Variants in PPFIA2 observed in about 807,000 individuals in gnomAD.
The protein encoded by PPFIA2 is liprin-alpha-2.
In PPFIA2, 46 loss-of-function variants were observed where a neutral mutation model predicts 175.5. That is an observed-to-expected ratio of 0.26 (90% CI 0.21 to 0.34). The LOEUF is 0.34. Ranked by LOEUF, PPFIA2 falls within the 10% of genes least tolerant of loss-of-function variation. The pLI is 1.00. For missense variants in PPFIA2, 1,179 were observed against 1,506.1 expected, an observed-to-expected ratio of 0.78 and a Z score of 3.60; for synonymous variants, 568 against 511.4, an observed-to-expected ratio of 1.11 and a Z score of -1.49.
chr12:81,454,893 G>A (rs930860556), intron 5 of PPFIA2, among the ~76,000 whole-genome samples: 1 of 151,994 alleles, frequency 6.6e-6, no homozygotes, highest in Non-Finnish European at 1.5e-5. Context: ...CTGTCGCCCA[G>A]ACTGGAGTGC....
chr12:81,500,551 C>T (rs143443052), intron 4 of PPFIA2, among the ~76,000 whole-genome samples: 1 of 152,292 alleles, frequency 6.6e-6, no homozygotes, highest in Non-Finnish European at 1.5e-5. Context: ...CTTGTCAACC[C>T]AAGAAAGTTC....
At chr12:81,554,950 T>A (rs1464292937) in intron 4 of PPFIA2, among the ~76,000 whole-genome samples, 3 of 152,046 alleles carry the variant, frequency 2.0e-5, no homozygotes, top group African/African-American at 7.2e-5. Context: ...GTCTTCTCTT[T>A]CTCTAAAGAT....
At chr12:81,581,186 T>G (rs1423755566) in intron 4 of PPFIA2, among the ~76,000 whole-genome samples, 4 of 145,632 alleles carry the variant, frequency 2.7e-5, no homozygotes, top group Admixed American at 7.0e-5. Context: ...AAATCTAAAA[T>G]CTCCTTGAGC....
At chr12:81,748,648 TAA>T (rs2083354711) in intron 3 of PPFIA2, among the ~76,000 whole-genome samples, 1 of 144,688 alleles carries the variant, frequency 6.9e-6, no homozygotes, top group South Asian at 2.3e-4. Flanking sequence ...GCCAGTGACA[TAA>T]AGTTAGTCCA....
At chr12:81,754,510 C>T (rs537582906) in intron 2 of PPFIA2, among the ~76,000 whole-genome samples, 1 of 152,290 alleles carries the variant, frequency 6.6e-6, no homozygotes, top group South Asian at 2.1e-4. Flanking sequence ...CATGATTTAT[C>T]CCACCTAATT....
intron 4 of PPFIA2, among the ~76,000 whole-genome samples, chr12:81,645,425 T>G (rs972575636): frequency 3.3e-5 from 5 of 152,112 alleles, no homozygotes; most frequent in Non-Finnish European, 5.9e-5. Context: ...AACCAAATTA[T>G]TTTTCTGGTA....
At chr12:81,530,938 G>A (rs2064448821) in intron 4 of PPFIA2, among the ~76,000 whole-genome samples, 1 of 151,846 alleles carries the variant, frequency 6.6e-6, no homozygotes, top group Non-Finnish European at 1.5e-5. Context: ...TTTGTATGCA[G>A]TATTTACATA....
intron 5 of PPFIA2, among the ~76,000 whole-genome samples, chr12:81,457,276 G>A (rs984589319): frequency 2.3e-4 from 34 of 150,612 alleles, no homozygotes; most frequent in African/African-American, 7.8e-4. Flanking sequence ...GAGGCATCGC[G>A]TCCGGCCTTT....
At chr12:81,609,170 T>C (rs1412576571) in intron 4 of PPFIA2, among the ~76,000 whole-genome samples, 1 of 152,146 alleles carries the variant, frequency 6.6e-6, no homozygotes, top group Non-Finnish European at 1.5e-5. Context: ...ATTTTTTTAA[T>C]TTATTGAGAT....
intron 4 of PPFIA2, among the ~76,000 whole-genome samples, chr12:81,541,972 T>C (rs2066286351): frequency 1.3e-5 from 2 of 151,932 alleles, no homozygotes; most frequent in Admixed American, 6.6e-5. Context: ...GATGAACTCA[T>C]GTTCAGTTTA....
intron 4 of PPFIA2, among the ~76,000 whole-genome samples, chr12:81,538,158 T>C (rs142852810): frequency 2.1e-4 from 32 of 151,942 alleles, no homozygotes; most frequent in Admixed American, 8.5e-4. Context: ...CCTTGCAAAA[T>C]AAGCATAAAA....
intron 4 of PPFIA2, among the ~76,000 whole-genome samples, chr12:81,604,581 C>T (rs1308376233): frequency 7.4e-6 from 1 of 135,062 alleles, no homozygotes; most frequent in Non-Finnish European, 1.6e-5. Context: ...TATCATAAAA[C>T]TATTTCAATC....
intron 6 of PPFIA2, among the ~76,000 whole-genome samples, chr12:81,444,160 A>C (rs984333919): frequency 7.9e-5 from 12 of 152,098 alleles, no homozygotes; most frequent in African/African-American, 2.9e-4. Flanking sequence ...GGCCATGCCA[A>C]CCTTTCTTGA....
At chr12:81,432,350 C>A (rs1234834771) in intron 7 of PPFIA2, among the ~76,000 whole-genome samples, 1 of 152,076 alleles carries the variant, frequency 6.6e-6, no homozygotes, top group East Asian at 1.9e-4. Flanking sequence ...GACCCTCCTG[C>A]CTCAGTGTAA....
At chr12:81,444,655 C>G (rs1424569222) in intron 6 of PPFIA2, among the ~76,000 whole-genome samples, 1 of 151,896 alleles carries the variant, frequency 6.6e-6, no homozygotes, top group African/African-American at 2.4e-5. Flanking sequence ...CTCAGAACAT[C>G]TGAAAGACCA....
intron 4 of PPFIA2, among the ~76,000 whole-genome samples, chr12:81,484,892 C>T (rs2058653348): frequency 6.6e-6 from 1 of 151,604 alleles, no homozygotes; most frequent in Non-Finnish European, 1.5e-5. Context: ...TGTTTTCTTT[C>T]TTTGAATCAG....
In PPFIA2 at chr12:81,530,179, G is replaced by A. The variant is rs77370632; in HGVS notation, c.304-72313C>T. ...ACTGCCTTTGAGCCACAAGAGCAGA[G>A]GTGGGTAGCTGACACAGACTCTATG... On this transcript the variant is annotated intron_variant, in intron 4 of 32. Coordinates refer to ENST00000549396, the MANE Select transcript of PPFIA2 (RefSeq NM_003625.5). Among the ~76,000 whole-genome samples the A allele has an allele frequency of 2.9e-3, 441 of 152,040 alleles. 7 individuals are homozygous for A. Among genetic ancestry groups the A allele is most frequent in the East Asian group, 0.026 (132 of 5,162 alleles).
chr12:81,375,766 C>G, intron 10 of PPFIA2, 30 bp downstream of exon 10: 1 of 1,573,976 alleles, frequency 6.4e-7, no homozygotes, highest in Non-Finnish European at 8.7e-7. Context: ...ACGCACAGAC[C>G]AGAAGAAAAC....
intron 22 of PPFIA2, among the ~76,000 whole-genome samples, chr12:81,322,813 C>G (rs2053949424): frequency 6.6e-6 from 1 of 152,080 alleles, no homozygotes; most frequent in Admixed American, 6.6e-5. Flanking sequence ...ATTTTCATGA[C>G]TAGTGGGTGG....
Sources: gnomAD v4.1 joint callset for allele counts (sites outside exome capture counted in the v4.1 genomes callset) on GRCh38, gnomAD v4.1.1 for gene constraint, MANE v1.5 for transcripts, NCBI Gene and HGNC (gene_info 2026-07-23, HGNC 2026-07-21) for gene names.